Variants in COL19A1 observed in about 807,000 individuals in gnomAD.
COL19A1 encodes collagen type XIX alpha 1 chain.
COL19A1 carries 159 observed loss-of-function variants against 190.2 expected under a neutral mutation model. That is an observed-to-expected ratio of 0.84 (90% CI 0.73 to 0.95). The LOEUF (loss-of-function observed/expected upper bound fraction) is 0.95. COL19A1 is among the 40% of genes least tolerant of loss of function. The pLI is 0.00. For synonymous variants in COL19A1, 509 were observed against 458.9 expected (o/e 1.11, Z -1.39); for missense variants, 1,418 against 1,431.9 (o/e 0.99, Z 0.16).
intron 48 of COL19A1, among the ~76,000 whole-genome samples, chr6:70,192,576 C>T (rs966494560): frequency 2.1e-5 from 3 of 141,016 alleles, no homozygotes; most frequent in African/African-American, 5.2e-5. Flanking sequence ...CTCATTTCCC[C>T]GTCAGGAAGT....
chr6:70,127,712 G>T (rs1196712362), intron 17 of COL19A1, among the ~76,000 whole-genome samples: 1 of 152,148 alleles, frequency 6.6e-6, no homozygotes, highest in Non-Finnish European at 1.5e-5. Context: ...AAGAGTTTGT[G>T]CAGGGAAACT....
At chr6:70,071,761 T>C (rs989715295) in intron 15 of COL19A1, among the ~76,000 whole-genome samples, 1 of 151,916 alleles carries the variant, frequency 6.6e-6, no homozygotes, top group East Asian at 1.9e-4. Context: ...TTGGGGGCCT[T>C]CCTGGAAGTT....
At position 70,188,163 on chromosome 6, in the gene COL19A1, T is replaced by G. The variant is rs777894149; in HGVS notation, c.2945T>G (p.Met982Arg). 1.2e-6 allele frequency: 2 copies of G among 1,614,008 alleles called. No homozygotes were observed. Among genetic ancestry groups the G allele is most frequent in the Admixed American group, 3.3e-5 (2 of 60,016 alleles). The change falls in exon 47 of 51, where the codon ATG (methionine) becomes AGG (arginine). Residue 982 changes from methionine to arginine, a missense_variant. Coordinates refer to ENST00000620364, the MANE Select transcript of COL19A1 (RefSeq NM_001858.6). Reference protein sequence around the residue: ...LTGMKGAIGPMGPPGNKGSMG... With the variant: ...LTGMKGAIGPRGPPGNKGSMG... ...GGCATGAAGGGGGCCATCGGTCCTA[T>G]GGGTCCACCAGGAAACAAGGGCTCC...
intron 14 of COL19A1, among the ~76,000 whole-genome samples, chr6:70,044,189 C>T (rs1779784502): frequency 6.6e-6 from 1 of 152,210 alleles, no homozygotes; most frequent in Non-Finnish European, 1.5e-5. Flanking sequence ...AGGGCTTGCT[C>T]TGGATTAGGC....
intron 11 of COL19A1, among the ~76,000 whole-genome samples, chr6:69,983,886 T>A (rs1475156712): frequency 1.3e-5 from 2 of 152,122 alleles, no homozygotes; most frequent in Non-Finnish European, 2.9e-5. Flanking sequence ...TTTGCACCTA[T>A]GTTTATAAAA....
chr6:70,106,900 G>A (rs1392518194), intron 16 of COL19A1, among the ~76,000 whole-genome samples: 2 of 152,164 alleles, frequency 1.3e-5, no homozygotes, highest in South Asian at 2.1e-4. Context: ...CATCTCCCTC[G>A]GGAAGGAAAT....
chr6:70,165,461 G>GAC (rs1435312905), intron 36 of COL19A1, among the ~76,000 whole-genome samples: 3 of 152,162 alleles, frequency 2.0e-5, no homozygotes, highest in Non-Finnish European at 4.4e-5. Flanking sequence ...CCCTCCTGCA[G>GAC]ACACAACACA....
rs543672873 is a variant in COL19A1 at position 70,001,477 on chromosome 6, G to A, written c.1027-22150G>A. The stretch of plus-strand genomic sequence containing the variant: ...TTTTGGTCAGTATGGCCATTTTCAC[G>A]ATATTGATTCTTCCTATCCATAAGC... On this transcript the variant is annotated intron_variant, in intron 11 of 50. Transcript: ENST00000620364. Among the ~76,000 whole-genome samples the A allele has an allele frequency of 1.2e-4, 19 of 152,224 alleles. No homozygotes were observed. The South Asian group carries it at 2.1e-3, about 17-fold the overall frequency.
chr6:70,164,271 A>G (rs1225708671), intron 36 of COL19A1, among the ~76,000 whole-genome samples: 8 of 152,132 alleles, frequency 5.3e-5, no homozygotes, highest in Admixed American at 5.2e-4. Flanking sequence ...TGTTTACCCC[A>G]TTTAAGATCT....
chr6:70,118,509 C>T (rs570972776), intron 16 of COL19A1, among the ~76,000 whole-genome samples: 13 of 152,192 alleles, frequency 8.5e-5, no homozygotes, highest in African/African-American at 2.4e-4. Context: ...GCAGGGTAGA[C>T]GGTTGGCTGT....
intron 2 of COL19A1, among the ~76,000 whole-genome samples, chr6:69,895,279 G>T (rs934724635): frequency 6.6e-6 from 1 of 152,186 alleles, no homozygotes; most frequent in East Asian, 1.9e-4. Flanking sequence ...GGGTGGTGGG[G>T]TGGTTTCCCA....
At chr6:69,950,949 A>G (rs1257870186) in intron 9 of COL19A1, among the ~76,000 whole-genome samples, 1 of 151,876 alleles carries the variant, frequency 6.6e-6, no homozygotes, top group Non-Finnish European at 1.5e-5. Context: ...AGGAATAATT[A>G]TTGTCCAATA....
intron 11 of COL19A1, among the ~76,000 whole-genome samples, chr6:70,001,152 C>A (rs1315837664): frequency 2.0e-5 from 3 of 152,094 alleles, no homozygotes; most frequent in African/African-American, 7.2e-5. Context: ...TTGTTTTTGT[C>A]AAGTTTGTCG....
intron 2 of COL19A1, among the ~76,000 whole-genome samples, chr6:69,898,522 T>A (rs995104797): frequency 1.3e-5 from 2 of 152,204 alleles, no homozygotes; most frequent in African/African-American, 4.8e-5. Context: ...CTTCCATATA[T>A]GTTGCCTTTA....
rs975063231 is a variant in COL19A1, at chr6:70,199,621, A to T, written c.3108A>T (p.Val1036=). The T allele has an allele frequency of 1.6e-5, 25 of 1,599,902 alleles. No individual in the cohort carries two copies. The highest frequency in any genetic ancestry group is 2.0e-5 in the Non-Finnish European group (24 of 1,171,858). ...CTATACATGAAGAGAGGATGGCTGTATTCCTATCCCAGCTCAAGCTGCCAG... is the reference window on the plus strand; with the variant it reads ...CTATACATGAAGAGAGGATGGCTGTTTTCCTATCCCAGCTCAAGCTGCCAG... The part of the protein sequence containing the change: ...VLRIFEERMA[V]FLSQLKLPAA... The change falls in exon 49 of 51, where the codon GTA becomes GTT. Residue 1036 remains valine, a synonymous_variant. Coordinates refer to ENST00000620364, the MANE Select transcript of COL19A1 (RefSeq NM_001858.6).
At chr6:69,920,275 A>T (rs1358071410) in intron 4 of COL19A1, among the ~76,000 whole-genome samples, 1 of 152,146 alleles carries the variant, frequency 6.6e-6, no homozygotes, top group South Asian at 2.1e-4. Context: ...ATAGTTAGTC[A>T]TTTTTAAGGA....
chr6:70,164,804 TAGAG>T (rs1434782489), intron 36 of COL19A1, among the ~76,000 whole-genome samples: 1 of 152,238 alleles, frequency 6.6e-6, no homozygotes, highest in Admixed American at 6.5e-5. Context: ...TGACATGTCT[TAGAG>T]AGATAGCCAC....
At chr6:70,023,505 C>G in intron 11 of COL19A1, 122 bp from the exon 12 acceptor site, 1 of 713,436 alleles carries the variant, frequency 1.4e-6, no homozygotes, top group Non-Finnish European at 2.3e-6. Flanking sequence ...AATAAACGTG[C>G]CTTTCAAGGG....
At chr6:70,137,791 AC>A (rs1562209470) in intron 19 of COL19A1, 44 bp downstream of exon 19, 1 of 1,593,596 alleles carries the variant, frequency 6.3e-7, no homozygotes. Context: ...TATCTAAAAA[AC>A]GGGATTAAAA....
Sources: allele counts gnomAD v4.1 joint callset (sites outside exome capture counted in the v4.1 genomes callset), GRCh38; gene constraint gnomAD v4.1.1; transcripts MANE v1.5; gene names NCBI Gene and HGNC (gene_info 2026-07-23, HGNC 2026-07-21).